Variants in TASOR observed in about 807,000 individuals in gnomAD.
TASOR encodes protein TASOR.
In TASOR, 53 loss-of-function variants were observed where a neutral mutation model predicts 178.6. That is an observed-to-expected ratio of 0.30 (90% CI 0.24 to 0.37). TASOR has a LOEUF of 0.37. Ranked by LOEUF, TASOR falls within the 10% of genes least tolerant of loss-of-function variation. The pLI, the probability that TASOR is intolerant of heterozygous loss-of-function variation, is 1.00. For missense variants in TASOR, 1,815 were observed against 1,971.4 expected, an observed-to-expected ratio of 0.92 and a Z score of 1.50; for synonymous variants, 713 against 696.2, an observed-to-expected ratio of 1.02 and a Z score of -0.38.
intron 1 of TASOR, among the ~76,000 whole-genome samples, chr3:56,678,452 A>G (rs1349535132): frequency 6.6e-6 from 1 of 151,442 alleles, no homozygotes; most frequent in Non-Finnish European, 1.5e-5. Flanking sequence ...AAGTGCTGGG[A>G]TTACAGACAT....
At chr3:56,672,629 G>C (rs1216014160) in intron 2 of TASOR, among the ~76,000 whole-genome samples, 1 of 151,976 alleles carries the variant, frequency 6.6e-6, no homozygotes, top group Non-Finnish European at 1.5e-5. Flanking sequence ...TTCTTTGTTT[G>C]AACTTTTTCA....
At chr3:56,629,300 C>T (rs538735305) in intron 18 of TASOR, among the ~76,000 whole-genome samples, 1 of 151,714 alleles carries the variant, frequency 6.6e-6, no homozygotes, top group Non-Finnish European at 1.5e-5. Flanking sequence ...TCTAGGTTGA[C>T]TATAATATCC....
chr3:56,650,540 C>T (rs963009746), intron 11 of TASOR, among the ~76,000 whole-genome samples: 2 of 152,176 alleles, frequency 1.3e-5, no homozygotes, highest in African/African-American at 4.8e-5. Context: ...CCATTCTAAA[C>T]TTTGGGGAAT....
intron 14 of TASOR, among the ~76,000 whole-genome samples, chr3:56,645,417 C>A (rs2077215596): frequency 6.6e-6 from 1 of 152,168 alleles, no homozygotes; most frequent in Non-Finnish European, 1.5e-5. Flanking sequence ...CTAAGACACA[C>A]TGAATCTGAA....
chr3:56,674,201 TAAAAAAAA>T (rs11348732), intron 1 of TASOR, among the ~76,000 whole-genome samples: 1 of 111,850 alleles, frequency 8.9e-6, no homozygotes, highest in South Asian at 3.0e-4. Context: ...TCTTTAAGTT[TAAAAAAAA>T]AAAAAAAAAA....
intron 18 of TASOR, among the ~76,000 whole-genome samples, chr3:56,629,566 G>T (rs952899742): frequency 3.3e-5 from 5 of 152,150 alleles, no homozygotes; most frequent in African/African-American, 1.2e-4. Context: ...CTTCAAAGTA[G>T]ACTTTCCCAA....
At chr3:56,651,755 A>T (rs2077357503) in intron 11 of TASOR, among the ~76,000 whole-genome samples, 1 of 152,184 alleles carries the variant, frequency 6.6e-6, no homozygotes, top group African/African-American at 2.4e-5. Flanking sequence ...TTCAGCAGAA[A>T]AAAAAAGATT....
rs140501869 is a variant in TASOR at position 56,657,848 on chromosome 3, G to A, written c.1368+2883C>T. Among the ~76,000 whole-genome samples, 144 of 152,282 alleles carry A rather than the reference G, an allele frequency of 9.5e-4. 1 individual carries two copies. The highest frequency in any genetic ancestry group is 2.1e-3 in the Admixed American group (32 of 15,298). On this transcript the variant is annotated intron_variant, in intron 11 of 23. Coordinates refer to ENST00000683822, the MANE Select transcript of TASOR (RefSeq NM_001365635.2). ...TCAAAGAGACACATTCAGGATAGCA[G>A]GGAATAGCTGCCTCTTCCCTTTTAT... is the stretch of plus-strand genomic sequence containing the variant.
chr3:56,632,788 G>A (rs1312793849), intron 18 of TASOR, among the ~76,000 whole-genome samples: 1 of 152,012 alleles, frequency 6.6e-6, no homozygotes, highest in Non-Finnish European at 1.5e-5. Context: ...CTACAGTAGA[G>A]TGCCACCACA....
chr3:56,682,467 C>CGG (rs1326693003), intron 1 of TASOR, among the ~76,000 whole-genome samples: 1 of 151,980 alleles, frequency 6.6e-6, no homozygotes, highest in East Asian at 1.9e-4. Flanking sequence ...CCAACTTCCG[C>CGG]GGGGAGGGGC....
At chr3:56,639,287 C>T (rs1043207541) in intron 16 of TASOR, among the ~76,000 whole-genome samples, 2 of 148,746 alleles carry the variant, frequency 1.3e-5, no homozygotes, top group Non-Finnish European at 3.0e-5. Flanking sequence ...CTGGAAAAGA[C>T]GTATACCCTG....
intron 1 of TASOR, among the ~76,000 whole-genome samples, chr3:56,677,185 C>G (rs1280401631): frequency 6.6e-6 from 1 of 152,132 alleles, no homozygotes; most frequent in Non-Finnish European, 1.5e-5. Flanking sequence ...ATCAATGTAT[C>G]CTGTCACTCC....
chr3:56,625,796 G>T (rs2076785844), intron 21 of TASOR, among the ~76,000 whole-genome samples: 1 of 151,336 alleles, frequency 6.6e-6, no homozygotes, highest in Non-Finnish European at 1.5e-5. Context: ...GCTAATTTTT[G>T]TATTTTTAGT....
At chr3:56,653,391 T>A (rs537992188) in intron 11 of TASOR, among the ~76,000 whole-genome samples, 2 of 129,526 alleles carry the variant, frequency 1.5e-5, no homozygotes, top group African/African-American at 5.8e-5. Context: ...GGAAAAGATA[T>A]ACCAAGCTGG....
intron 11 of TASOR, among the ~76,000 whole-genome samples, chr3:56,657,067 C>T (rs1306661854): frequency 2.6e-5 from 4 of 151,660 alleles, no homozygotes; most frequent in African/African-American, 7.3e-5. Flanking sequence ...CGGTGGCTCA[C>T]GCCTGTAATC....
At position 56,622,992 on chromosome 3, in the gene TASOR, A is replaced by G. The variant is rs1418284335; in HGVS notation, c.*45T>C. 7 of 1,252,796 alleles carry G rather than the reference A, an allele frequency of 5.6e-6. No individual in the cohort carries two copies. Among genetic ancestry groups the G allele is most frequent in the Middle Eastern group, 2.0e-4 (1 of 5,102 alleles). The allele number at this position is 1,252,796 out of a possible 1,614,324, so 77.6% of individuals were successfully genotyped here. On this transcript the variant is annotated 3_prime_UTR_variant, in exon 24 of 24. Coordinates refer to ENST00000683822, the MANE Select transcript of TASOR (RefSeq NM_001365635.2). The stretch of plus-strand genomic sequence containing the variant: ...TTAGAGAATGAAATATAAATTGTTA[A>G]TAAACAAAGTCCACAACAATCTCTT...
chr3:56,627,771 C>T, intron 19 of TASOR, 30 bp from the exon 20 acceptor site: 1 of 1,604,140 alleles, frequency 6.2e-7, no homozygotes, highest in South Asian at 1.1e-5. Flanking sequence ...AAAAGAGAAA[C>T]AGATGGAGGG....
chr3:56,680,941 G>T (rs1033925153), intron 1 of TASOR, among the ~76,000 whole-genome samples: 31 of 152,092 alleles, frequency 2.0e-4, no homozygotes, highest in African/African-American at 7.0e-4. Flanking sequence ...GTGTTCAGCT[G>T]AAGTCTATTT....
intron 1 of TASOR, among the ~76,000 whole-genome samples, chr3:56,678,811 G>A (rs1014918742): frequency 2.6e-5 from 4 of 151,896 alleles, no homozygotes; most frequent in Non-Finnish European, 5.9e-5. Flanking sequence ...AGGAGTTCCA[G>A]ACCAGCCTGG....
Sources: allele counts gnomAD v4.1 joint callset (sites outside exome capture counted in the v4.1 genomes callset), GRCh38; gene constraint gnomAD v4.1.1; transcripts MANE v1.5; gene names NCBI Gene and HGNC (gene_info 2026-07-23, HGNC 2026-07-21).